The following PCDH11X variants were observed in gnomAD, a reference collection of about 807,000 sequenced individuals.
PCDH11X encodes the protein protocadherin 11 X-linked, also known as protocadherin-11 X-linked.
In PCDH11X, 18 loss-of-function variants were observed where a neutral mutation model predicts 53.3. The observed-to-expected ratio is 0.34, with a 90% CI of 0.23 to 0.50. The LOEUF is 0.50. PCDH11X is among the 20% of genes least tolerant of loss of function. The pLI is 0.98. For synonymous variants in PCDH11X, 279 were observed against 393.3 expected, an observed-to-expected ratio of 0.71 and a Z score of 3.44; for missense variants, 570 against 1,032.4, an observed-to-expected ratio of 0.55 and a Z score of 6.14.
intron 7 of PCDH11X, among the ~76,000 whole-genome samples, chrX:92,236,123 T>C (rs2148377601): frequency 9.0e-6 from 1 of 111,573 alleles, no homozygotes; most frequent in African/African-American, 3.2e-5. Context: ...TATCCAAATA[T>C]ATCTTAAGTA....
At chrX:91,780,666 C>CT (rs34815089) in intron 1 of PCDH11X, among the ~76,000 whole-genome samples, 71 of 112,336 alleles carry the variant, frequency 6.3e-4, no homozygotes, top group South Asian at 1.5e-3. Flanking sequence ...TAAAACGGCT[C>CT]TTTTTTTTCG....
chrX:92,567,427 C>T (rs1396700975), intron 10 of PCDH11X, among the ~76,000 whole-genome samples: 1 of 94,392 alleles, frequency 1.1e-5, no homozygotes, highest in Non-Finnish European at 2.1e-5. Context: ...TGGCTCTTTG[C>T]TTGCCTGTTG....
chrX:91,779,835 C>T (rs1407883837), intron 1 of PCDH11X, among the ~76,000 whole-genome samples, 151 bp downstream of exon 1: 2 of 108,976 alleles, frequency 1.8e-5, no homozygotes, highest in Non-Finnish European at 3.8e-5. Context: ...TCTCCCTTCC[C>T]CCTTCTCTTC....
At chrX:92,065,632 T>A (rs2063596753) in intron 6 of PCDH11X, among the ~76,000 whole-genome samples, 1 of 112,025 alleles carries the variant, frequency 8.9e-6, no homozygotes, top group Non-Finnish European at 1.9e-5. Flanking sequence ...ACTTTTTATA[T>A]GCCTGTTTGC....
chrX:91,810,205 C>T (rs1434042928), intron 2 of PCDH11X, among the ~76,000 whole-genome samples: 8 of 110,485 alleles, frequency 7.2e-5, no homozygotes, highest in South Asian at 3.9e-4. Context: ...TCCAGTATAC[C>T]CTACCTCCCA....
At chrX:91,962,714 A>T (rs915762134) in intron 6 of PCDH11X, among the ~76,000 whole-genome samples, 1 of 111,101 alleles carries the variant, frequency 9.0e-6, no homozygotes, top group African/African-American at 3.3e-5. Context: ...GAGGTTCTCC[A>T]TGAGAACTCC....
intron 6 of PCDH11X, among the ~76,000 whole-genome samples, chrX:92,097,333 G>C (rs1293584399): frequency 9.3e-6 from 1 of 107,502 alleles, no homozygotes; most frequent in African/African-American, 3.4e-5. Flanking sequence ...GATTGCTTGA[G>C]CCCAGGATGT....
At chrX:92,321,681 T>TTCTGTCATC (rs1272861584) in intron 8 of PCDH11X, among the ~76,000 whole-genome samples, 1 of 111,305 alleles carries the variant, frequency 9.0e-6, no homozygotes, top group Admixed American at 9.6e-5. Flanking sequence ...AAAGAGTCTC[T>TTCTGTCATC]TCTGTCATCT....
At chrX:92,176,731 T>G (rs4358964) in intron 6 of PCDH11X, among the ~76,000 whole-genome samples, 55,211 of 109,559 alleles carry the variant, frequency 0.5, 10,621 homozygotes, top group Non-Finnish European at 0.6. Context: ...TCTTGAGAGA[T>G]AATTTATTTT....
Position 92,621,567 on chromosome X carries a change from CT to C in PCDH11X, c.*2628del, listed in dbSNP as rs1429376164. 1.8e-5 allele frequency: 2 copies of C among 110,887 alleles called. No individual in the cohort carries two copies. Among genetic ancestry groups the C allele is most frequent in the Non-Finnish European group, 3.8e-5 (2 of 52,963 alleles). 9.1% of individuals were successfully genotyped at this position (110,887 alleles called of 1,213,427 possible). ...GGGGTATTAGCCCAGTTATTCTCCC[CT>C]ATGCCTTCCTTCTCTTTCTAAGCGT... is the stretch of plus-strand genomic sequence containing the variant. On this transcript the variant is annotated 3_prime_UTR_variant, in exon 11 of 11. Coordinates refer to ENST00000682573, the MANE Select transcript of PCDH11X (RefSeq NM_032968.5).
At chrX:92,441,367 T>C (rs758595904) in intron 9 of PCDH11X, among the ~76,000 whole-genome samples, 1 of 111,003 alleles carries the variant, frequency 9.0e-6, no homozygotes, top group East Asian at 2.9e-4. Context: ...ACCAGGAGGC[T>C]TTATGGCAGC....
At chrX:92,218,033 C>T (rs1368455246) in intron 7 of PCDH11X, among the ~76,000 whole-genome samples, 3 of 109,926 alleles carry the variant, frequency 2.7e-5, no homozygotes, top group Non-Finnish European at 5.7e-5. Context: ...ATACCAGAAT[C>T]TCTGGGACAC....
At chrX:92,387,651 G>A (rs1372736179) in intron 8 of PCDH11X, 84 bp from the exon 9 acceptor site, 75 of 1,208,144 alleles carry the variant, frequency 6.2e-5, no homozygotes, top group South Asian at 8.8e-5. Flanking sequence ...CCAGATAGCC[G>A]AAATAATGCA....
chrX:92,517,529 T>C lies in PCDH11X; in HGVS notation c.3367+49207T>C, dbSNP rs775331067. ...GAACTAGTTTTCAAGGGAAATACAG[T>C]GTACCAGAACACTGGTCTTAAATAT... On this transcript the variant is annotated intron_variant, in intron 10 of 10. Coordinates refer to ENST00000682573, the MANE Select transcript of PCDH11X (RefSeq NM_032968.5). 1.2e-3 allele frequency among the ~76,000 whole-genome samples: 132 copies of C among 111,730 alleles called. 1 individual carries two copies. Among genetic ancestry groups the C allele is most frequent in the African/African-American group, 4.1e-3 (126 of 30,831 alleles).
intron 10 of PCDH11X, among the ~76,000 whole-genome samples, chrX:92,511,707 A>G (rs1229453612): frequency 9.0e-6 from 1 of 111,659 alleles, no homozygotes; most frequent in Non-Finnish European, 1.9e-5. Context: ...GAGAGAGATC[A>G]GTGGCAAGAC....
At chrX:92,323,479 G>T (rs5984927) in intron 8 of PCDH11X, among the ~76,000 whole-genome samples, 2,508 of 110,148 alleles carry the variant, frequency 0.023, 65 homozygotes, top group African/African-American at 0.077. Flanking sequence ...GACTTGGTGA[G>T]CCCGTGTATA....
intron 7 of PCDH11X, among the ~76,000 whole-genome samples, chrX:92,209,226 C>T (rs958988237): frequency 8.9e-6 from 1 of 111,802 alleles, no homozygotes; most frequent in African/African-American, 3.3e-5. Flanking sequence ...TTAACTCATT[C>T]TAGCTATTAA....
Position 92,166,098 on chromosome X carries a change from A to G in PCDH11X, c.3034-35277A>G, listed in dbSNP as rs184772628. Among the ~76,000 whole-genome samples, 57 of 110,584 alleles carry G rather than the reference A, an allele frequency of 5.2e-4. 1 individual carries two copies. In the East Asian group the frequency reaches 7.0e-3, roughly 14 times the overall value. On this transcript the variant is annotated intron_variant, in intron 6 of 10. Transcript: ENST00000682573. ...ATACATATAGTGAAATATAGTGTAC[A>G]GTAATATTAATATTTAAATATAGCT...
intron 1 of PCDH11X, among the ~76,000 whole-genome samples, chrX:91,784,835 A>G (rs1350946772): frequency 1.8e-5 from 2 of 110,606 alleles, no homozygotes; most frequent in Admixed American, 1.9e-4. Context: ...GCATTCTCCT[A>G]TCTTTCATTG....
Sources: allele counts gnomAD v4.1 joint callset (sites outside exome capture counted in the v4.1 genomes callset), GRCh38; gene constraint gnomAD v4.1.1; transcripts MANE v1.5; gene names NCBI Gene and HGNC (gene_info 2026-07-23, HGNC 2026-07-21).